Variants in EFCAB6 observed in about 807,000 individuals in gnomAD.
The protein encoded by EFCAB6 is EF-hand calcium binding domain 6.
In EFCAB6, 156 loss-of-function variants were observed where a neutral mutation model predicts 169.8. The ratio of observed to expected loss-of-function variants is 0.92; its 90% CI spans 0.81 to 1.05. The LOEUF (loss-of-function observed/expected upper bound fraction) is 1.05. Among genes scored for constraint, EFCAB6 ranks in the 50% least tolerant of loss-of-function variants. EFCAB6 has a pLI of 0.00. For synonymous variants in EFCAB6, 698 were observed against 676.4 expected (o/e 1.03, Z -0.50); for missense variants, 1,800 against 1,829.1 (o/e 0.98, Z 0.29).
chr22:43,605,232 T>C (rs1029240154), intron 22 of EFCAB6, among the ~76,000 whole-genome samples: 3 of 152,216 alleles, frequency 2.0e-5, no homozygotes, highest in African/African-American at 4.8e-5. Flanking sequence ...TTCCTGGGTG[T>C]AGGCCAAGCT....
intron 2 of EFCAB6, among the ~76,000 whole-genome samples, chr22:43,794,502 T>C (rs1408392387): frequency 6.6e-6 from 1 of 152,226 alleles, no homozygotes; most frequent in African/African-American, 2.4e-5. Flanking sequence ...TTTGCCTACA[T>C]GCATGTGAGT....
chr22:43,553,162 C>T (rs1569147054), intron 27 of EFCAB6: 1 of 152,114 alleles, frequency 6.6e-6, no homozygotes. Context: ...ACTTCCAAGG[C>T]CTTACCCTGC....
chr22:43,664,667 G>A (rs144685630), intron 17 of EFCAB6, among the ~76,000 whole-genome samples: 1 of 152,350 alleles, frequency 6.6e-6, no homozygotes, highest in African/African-American at 2.4e-5. Context: ...AGAGGGCATG[G>A]CCAGTGCCAA....
At chr22:43,660,481 G>C (rs1289726166) in intron 17 of EFCAB6, among the ~76,000 whole-genome samples, 1 of 151,702 alleles carries the variant, frequency 6.6e-6, no homozygotes, top group African/African-American at 2.4e-5. Flanking sequence ...TTCCATACTA[G>C]TAATGCACTC....
intron 3 of EFCAB6, among the ~76,000 whole-genome samples, chr22:43,776,184 G>T (rs2061633974): frequency 6.6e-6 from 1 of 152,148 alleles, no homozygotes; most frequent in Non-Finnish European, 1.5e-5. Flanking sequence ...GAGTGGAGAT[G>T]CAAGTGTGGG....
intron 17 of EFCAB6, among the ~76,000 whole-genome samples, chr22:43,638,717 G>C (rs976781610): frequency 3.3e-5 from 5 of 151,830 alleles, no homozygotes; most frequent in African/African-American, 1.2e-4. Flanking sequence ...AGTCTATTTA[G>C]ACTTAATATT....
intron 29 of EFCAB6, chr22:43,535,997 C>T (rs1457367536): frequency 6.6e-6 from 1 of 152,222 alleles, no homozygotes; most frequent in East Asian, 1.9e-4. Context: ...GGAGAAAATA[C>T]AGAATGACTT....
At chr22:43,773,236 A>G (rs1480141963) in intron 3 of EFCAB6, 133 bp from the exon 4 acceptor site, 9 of 839,404 alleles carry the variant, frequency 1.1e-5, no homozygotes, top group Non-Finnish European at 1.6e-5. Context: ...GTTTACGTGT[A>G]TCACCGTTAG....
chr22:43,679,135 G>C (rs1224993374), intron 12 of EFCAB6, among the ~76,000 whole-genome samples: 1 of 152,128 alleles, frequency 6.6e-6, no homozygotes, highest in African/African-American at 2.4e-5. Flanking sequence ...AAGAAATCTC[G>C]TGCACATTTG....
chr22:43,741,908 C>A (rs1249423720), intron 6 of EFCAB6, among the ~76,000 whole-genome samples: 1 of 152,198 alleles, frequency 6.6e-6, no homozygotes, highest in Non-Finnish European at 1.5e-5. Flanking sequence ...CCCTGCTCAC[C>A]TGTCATTCCA....
chr22:43,557,702 G>GA (rs1390386624), intron 26 of EFCAB6, among the ~76,000 whole-genome samples: 2 of 151,952 alleles, frequency 1.3e-5, no homozygotes, highest in Non-Finnish European at 1.5e-5. Flanking sequence ...ATATGATAAA[G>GA]AAAACATGTC....
chr22:43,558,311 T>C (rs2147099137), intron 26 of EFCAB6, among the ~76,000 whole-genome samples: 1 of 152,336 alleles, frequency 6.6e-6, no homozygotes, highest in East Asian at 1.9e-4. Flanking sequence ...TAGTTCAGGA[T>C]TGAGATGTGA....
intron 22 of EFCAB6, among the ~76,000 whole-genome samples, chr22:43,602,671 G>T (rs902114496): frequency 7.2e-5 from 11 of 152,032 alleles, no homozygotes; most frequent in African/African-American, 9.7e-5. Context: ...TGACAGGAGG[G>T]TTCCTAACAG....
At chr22:43,548,370 G>A (rs1028538633) in intron 27 of EFCAB6, among the ~76,000 whole-genome samples, 3 of 151,044 alleles carry the variant, frequency 2.0e-5, no homozygotes, top group African/African-American at 7.3e-5. Flanking sequence ...GTGAAACCCT[G>A]CCTCTACTAA....
At chr22:43,668,788 C>G in intron 16 of EFCAB6, 84 bp downstream of exon 16, 3 of 1,233,312 alleles carry the variant, frequency 2.4e-6, no homozygotes, top group Admixed American at 2.9e-5. Context: ...TATTAAAATA[C>G]TCAGTTGACA....
chr22:43,776,007 G>C (rs973053855), intron 3 of EFCAB6, among the ~76,000 whole-genome samples: 5 of 152,244 alleles, frequency 3.3e-5, no homozygotes, highest in Non-Finnish European at 7.3e-5. Context: ...CAAAATAAAT[G>C]ACTGTTGCTA....
At chr22:43,717,459 A>G (rs1260995218) in intron 8 of EFCAB6, among the ~76,000 whole-genome samples, 5 of 151,988 alleles carry the variant, frequency 3.3e-5, no homozygotes, top group African/African-American at 1.2e-4. Flanking sequence ...ATACAGGTTA[A>G]TTTTCATAAT....
At chr22:43,652,701 T>G (rs1362830364) in intron 17 of EFCAB6, among the ~76,000 whole-genome samples, 1 of 151,820 alleles carries the variant, frequency 6.6e-6, no homozygotes, top group African/African-American at 2.4e-5. Context: ...TATTTGATAT[T>G]CAATAAAAAT....
At chr22:43,656,602 T>C (rs1337668801) in intron 17 of EFCAB6, among the ~76,000 whole-genome samples, 2 of 152,228 alleles carry the variant, frequency 1.3e-5, no homozygotes, top group South Asian at 2.1e-4. Context: ...CAAATACTTA[T>C]CATTGCATTA....
Sources: allele counts gnomAD v4.1 joint callset (sites outside exome capture counted in the v4.1 genomes callset), GRCh38; gene constraint gnomAD v4.1.1; transcripts MANE v1.5; gene names NCBI Gene and HGNC (gene_info 2026-07-23, HGNC 2026-07-21).